Variants in SPTBN1 observed in about 807,000 individuals in gnomAD.
SPTBN1 encodes the protein spectrin beta chain, non-erythrocytic 1.
In SPTBN1, 32 loss-of-function variants were observed where a neutral mutation model predicts 266.4. The ratio of observed to expected loss-of-function variants is 0.12; its 90% CI spans 0.09 to 0.16. The LOEUF is 0.16. Among genes scored for constraint, SPTBN1 ranks in the 10% least tolerant of loss-of-function variants. SPTBN1 has a pLI of 1.00. For synonymous variants in SPTBN1, 1,336 were observed against 1,162.2 expected (o/e 1.15, Z -3.04); for missense variants, 2,296 against 3,067.1 (o/e 0.75, Z 5.94).
At chr2:54,586,034 T>A (rs1370943110) in intron 2 of SPTBN1, among the ~76,000 whole-genome samples, 3 of 152,244 alleles carry the variant, frequency 2.0e-5, no homozygotes, top group African/African-American at 7.2e-5. Flanking sequence ...TAAAATTCTT[T>A]AGTTTCAGAA....
At chr2:54,568,861 C>T (rs1370400540) in intron 2 of SPTBN1, among the ~76,000 whole-genome samples, 1 of 152,074 alleles carries the variant, frequency 6.6e-6, no homozygotes, top group Non-Finnish European at 1.5e-5. Flanking sequence ...TTTTCAGAAA[C>T]AAAGCACAAA....
chr2:54,562,802 T>C (rs541211672), intron 2 of SPTBN1, among the ~76,000 whole-genome samples: 1 of 151,886 alleles, frequency 6.6e-6, no homozygotes, highest in South Asian at 2.1e-4. Context: ...AAGTGATTGG[T>C]CTGCCTCGGC....
At position 54,643,034 on chromosome 2, in the gene SPTBN1, G is replaced by A; in HGVS notation, c.3910G>A (p.Asp1304Asn). 6.2e-7 allele frequency: 1 copy of A among 1,614,044 alleles called. No individual in the cohort carries two copies. The highest frequency in any genetic ancestry group is 1.1e-5 in the South Asian group (1 of 91,072). Residue 1304 changes from aspartate to asparagine, a missense_variant, in exon 19 of 36, where the codon GAT (aspartate) becomes AAT (asparagine). Physicochemically the swap from Asp to Asn is conservative, Grantham distance 23. Transcript: ENST00000356805. Reference sequence around the variant, plus strand: ...GCTCACAGCCCAGGACATGTCTTACGATGAAGCCAGAAATCTGCACAGTAA... The same window carrying A: ...GCTCACAGCCCAGGACATGTCTTACAATGAAGCCAGAAATCTGCACAGTAA... ...KMLTAQDMSY[D>N]EARNLHSKWL...
chr2:54,470,213 A>T (rs891925708), intron 1 of SPTBN1, among the ~76,000 whole-genome samples: 1 of 151,824 alleles, frequency 6.6e-6, no homozygotes, highest in African/African-American at 2.4e-5. Context: ...TTTCAAAGGG[A>T]GACTATTCTT....
intron 27 of SPTBN1, among the ~76,000 whole-genome samples, chr2:54,654,687 G>C (rs1680532912): frequency 6.6e-6 from 1 of 152,152 alleles, no homozygotes; most frequent in Non-Finnish European, 1.5e-5. Flanking sequence ...AACTCATCAA[G>C]GTGCGATTGC....
intron 5 of SPTBN1, among the ~76,000 whole-genome samples, 181 bp downstream of exon 5, chr2:54,616,479 A>T (rs1385720946): frequency 6.6e-6 from 1 of 152,198 alleles, no homozygotes; most frequent in Non-Finnish European, 1.5e-5. Context: ...GCTCTAATTT[A>T]TATTTTAGAC....
intron 33 of SPTBN1, 84 bp from the exon 34 acceptor site, chr2:54,665,831 T>G: frequency 6.8e-7 from 1 of 1,472,546 alleles, no homozygotes; most frequent in South Asian, 1.4e-5. Flanking sequence ...GAGGATCATT[T>G]TCATGTTAAT....
Position 54,458,116 on chromosome 2 carries a change from T to C in SPTBN1, c.-48+1598T>C, listed in dbSNP as rs572054818. Among the ~76,000 whole-genome samples, 5 of 152,380 alleles carry C rather than the reference T, an allele frequency of 3.3e-5. No homozygotes were observed. The South Asian group carries it at 8.3e-4, about 25-fold the overall frequency. On this transcript the variant is annotated intron_variant, in intron 1 of 35. Coordinates refer to ENST00000356805, the MANE Select transcript of SPTBN1 (RefSeq NM_003128.3). Reference sequence around the variant, plus strand: ...TTTTTCTACGTGAAAAGTTGGTGTTTATTAATTGGACCTTCACAACTGTGA... The same window carrying C: ...TTTTTCTACGTGAAAAGTTGGTGTTCATTAATTGGACCTTCACAACTGTGA...
chr2:54,598,805 G>A (rs972091494), intron 2 of SPTBN1, among the ~76,000 whole-genome samples: 2 of 152,150 alleles, frequency 1.3e-5, no homozygotes, highest in Admixed American at 6.5e-5. Flanking sequence ...GTGTGCCTGG[G>A]AGCTCACATG....
chr2:54,643,069 G>C lies in SPTBN1; in HGVS notation c.3945G>C (p.Lys1315Asn). Reference sequence around the variant, plus strand: ...GAAATCTGCACAGTAAATGGTTGAAGCATCAAGCATTTATGGCAGAACTTG... The same window carrying C: ...GAAATCTGCACAGTAAATGGTTGAACCATCAAGCATTTATGGCAGAACTTG... ...EARNLHSKWLKHQAFMAELAS... is the reference protein window; with the variant it reads ...EARNLHSKWLNHQAFMAELAS... The change falls in exon 19 of 36, where the codon AAG (lysine) becomes AAC (asparagine). Residue 1315 changes from lysine (K) to asparagine (N), a missense_variant. By Grantham distance (94) the Lys-to-Asn change is moderately conservative (BLOSUM62 0). Transcript: ENST00000356805. 6.2e-7 allele frequency: 1 copy of C among 1,614,132 alleles called. No homozygotes were observed. The highest frequency in any genetic ancestry group is 8.5e-7 in the Non-Finnish European group (1 of 1,179,982).
chr2:54,656,352 T>C (rs1282788053), intron 29 of SPTBN1, among the ~76,000 whole-genome samples: 1 of 152,248 alleles, frequency 6.6e-6, no homozygotes, highest in Non-Finnish European at 1.5e-5. Context: ...TTAAGTCATA[T>C]TTGGTGCTCT....
At position 54,501,214 on chromosome 2, in the gene SPTBN1, G is replaced by T. The variant is rs766907048; in HGVS notation, c.-47-25158G>T. Among the ~76,000 whole-genome samples the T allele has an allele frequency of 3.3e-5, 5 of 152,296 alleles. No individual in the cohort carries two copies. In the East Asian group the frequency reaches 9.6e-4, roughly 29 times the overall value. On this transcript the variant is annotated intron_variant, in intron 1 of 35. Transcript: ENST00000356805. Reference sequence around the variant, plus strand: ...CCTCATCTTCCTGTCCCCTTTACCCGAGTAGAAATTGCCCTTCCTTATCCC... The same window carrying T: ...CCTCATCTTCCTGTCCCCTTTACCCTAGTAGAAATTGCCCTTCCTTATCCC...
At position 54,664,371 on chromosome 2, in the gene SPTBN1, C is replaced by CA; in HGVS notation, c.6421-81dup. 7.1e-7 allele frequency: 1 copy of CA among 1,399,220 alleles called. No homozygotes were observed. The highest frequency in any genetic ancestry group is 9.9e-7 in the Non-Finnish European group (1 of 1,009,342). The allele number at this position is 1,399,220 out of a possible 1,614,324, so 86.7% of individuals were successfully genotyped here. ...TCTGTGCCAGGCATTTATACACAGC[C>CA]ACATGTGCGAGTCAGGTAGAGCGTA... is the stretch of plus-strand genomic sequence containing the variant. On this transcript the variant is annotated intron_variant, in intron 32 of 35. Transcript: ENST00000356805. This position sits in a 1 kb window ranked among gnomAD's most constrained non-coding sequence, Gnocchi z 5.6.
At chr2:54,604,909 G>A (rs899158155) in intron 3 of SPTBN1, among the ~76,000 whole-genome samples, 3 of 152,160 alleles carry the variant, frequency 2.0e-5, no homozygotes, top group Non-Finnish European at 4.4e-5. Flanking sequence ...GCAGAGCCCC[G>A]ATAGTCACAG....
intron 34 of SPTBN1, among the ~76,000 whole-genome samples, chr2:54,666,929 A>G (rs1297673148): frequency 6.6e-6 from 1 of 152,180 alleles, no homozygotes; most frequent in African/African-American, 2.4e-5. Flanking sequence ...ATTTTGTAGG[A>G]CAATGCACCG....
chr2:54,480,329 G>A (rs1558763003), intron 1 of SPTBN1, among the ~76,000 whole-genome samples: 1 of 152,212 alleles, frequency 6.6e-6, no homozygotes, highest in Non-Finnish European at 1.5e-5. Flanking sequence ...TCCCAGAGTA[G>A]TGATATGCAG....
chr2:54,513,187 C>CA (rs1669944326), intron 1 of SPTBN1, among the ~76,000 whole-genome samples: 1 of 151,962 alleles, frequency 6.6e-6, no homozygotes, highest in African/African-American at 2.4e-5. Context: ...AACAAGCAAG[C>CA]AAACAAAAAA....
At chr2:54,622,161 G>A in intron 8 of SPTBN1, 139 bp from the exon 9 acceptor site, 1 of 779,062 alleles carries the variant, frequency 1.3e-6, no homozygotes, top group Non-Finnish European at 2.0e-6. Flanking sequence ...TTGTGCCCAG[G>A]TACAGCTGAA....
Position 54,637,782 on chromosome 2 carries a change from A to G in SPTBN1, c.3837A>G (p.Lys1279=), listed in dbSNP as rs182890145. ...TGAAGGACAACAGGGATCTACAGAAATTCCTGCAAGATTGTCAAGAGGTAT... is the reference window on the plus strand; with the variant it reads ...TGAAGGACAACAGGGATCTACAGAAGTTCCTGCAAGATTGTCAAGAGGTAT... The part of the protein sequence containing the change: ...MRLKDNRDLQ[K]FLQDCQELSL... The change falls in exon 18 of 36, where the codon AAA becomes AAG. Residue 1279 remains lysine, a synonymous_variant. Coordinates refer to ENST00000356805, the MANE Select transcript of SPTBN1 (RefSeq NM_003128.3). 2.5e-6 allele frequency: 4 copies of G among 1,613,904 alleles called. No individual in the cohort carries two copies. The highest frequency in any genetic ancestry group is 4.5e-5 in the East Asian group (2 of 44,874).
Sources: allele counts gnomAD v4.1 joint callset (sites outside exome capture counted in the v4.1 genomes callset), GRCh38; gene constraint gnomAD v4.1.1; non-coding constraint Gnocchi (gnomAD v3.1); transcripts MANE v1.5; gene names NCBI Gene and HGNC (gene_info 2026-07-23, HGNC 2026-07-21).